The following CNBD1 variants were observed in gnomAD, a reference collection of about 807,000 sequenced individuals.
CNBD1 encodes cyclic nucleotide binding domain containing 1, also known as cyclic nucleotide-binding domain-containing protein 1.
Under a neutral mutation model 54.4 loss-of-function variants are expected in CNBD1, and 71 were observed. The observed-to-expected ratio is 1.30, with a 90% CI of 1.08 to 1.59. The LOEUF (loss-of-function observed/expected upper bound fraction) is 1.59. Ranked by LOEUF, CNBD1 falls within the 40% of genes most tolerant of loss-of-function variation. The probability of loss-of-function intolerance (pLI) is 0.00; values close to 1 mark genes in which losing one functional copy is unlikely to be tolerated. For synonymous variants in CNBD1, 182 were observed against 170.7 expected, an observed-to-expected ratio of 1.07 and a Z score of -0.51; for missense variants, 659 against 518.0, an observed-to-expected ratio of 1.27 and a Z score of -2.64.
At chr8:86,911,642 G>A (rs1314928552) in intron 3 of CNBD1, among the ~76,000 whole-genome samples, 1 of 151,996 alleles carries the variant, frequency 6.6e-6, no homozygotes, top group Non-Finnish European at 1.5e-5. Flanking sequence ...GTAGATTATT[G>A]CTTACTGTAG....
intron 4 of CNBD1, among the ~76,000 whole-genome samples, chr8:87,189,189 T>A (rs1679686236): frequency 6.6e-6 from 1 of 152,176 alleles, no homozygotes; most frequent in Admixed American, 6.5e-5. Flanking sequence ...ACTTTTGAAG[T>A]GTTTTGAGAA....
chr8:87,356,142 T>C (rs1192188167), intron 10 of CNBD1, among the ~76,000 whole-genome samples: 2 of 152,164 alleles, frequency 1.3e-5, no homozygotes, highest in African/African-American at 2.4e-5. Flanking sequence ...ACTTCTTTTC[T>C]TTATAAATTA....
intron 6 of CNBD1, among the ~76,000 whole-genome samples, chr8:87,245,902 T>C (rs574314757): frequency 6.6e-6 from 1 of 152,170 alleles, no homozygotes; most frequent in South Asian, 2.1e-4. Context: ...TTCCCATTAT[T>C]AGCAGTATTT....
At position 87,299,711 on chromosome 8, in the gene CNBD1, G is replaced by C. The variant is rs532657062; in HGVS notation, c.1042+13040G>C. Among the ~76,000 whole-genome samples the C allele has an allele frequency of 7.3e-4, 111 of 152,278 alleles. 1 individual carries two copies. Among genetic ancestry groups the C allele is most frequent in the African/African-American group, 2.6e-3 (107 of 41,552 alleles). ...AGTAATAGCTATGAAAATTGTCCCAGATCATTTGTCACCTGGGTGTATGTT... is the reference window on the plus strand; with the variant it reads ...AGTAATAGCTATGAAAATTGTCCCACATCATTTGTCACCTGGGTGTATGTT... On this transcript the variant is annotated intron_variant, in intron 8 of 10. Transcript: ENST00000518476.
At chr8:87,406,583 G>T (rs961522454) in intron 2 of CNBD1, among the ~76,000 whole-genome samples, 6 of 150,936 alleles carry the variant, frequency 4.0e-5, no homozygotes, top group South Asian at 2.1e-4. Flanking sequence ...GGGTTCAAGT[G>T]ATTCTCCTGC....
At position 86,939,749 on chromosome 8, in the gene CNBD1, G is replaced by T. The variant is rs1330613877; in HGVS notation, c.426G>T (p.Lys142Asn). 2.0e-6 allele frequency: 3 copies of T among 1,526,102 alleles called. No homozygotes were observed. Among genetic ancestry groups the T allele is most frequent in the Middle Eastern group, 1.8e-4 (1 of 5,638 alleles). 94.5% of individuals were successfully genotyped at this position (1,526,102 alleles called of 1,614,324 possible). The change falls in exon 4 of 11, where the codon AAG (lysine) becomes AAT (asparagine). Residue 142 changes from lysine to asparagine, a missense_variant. Lys to Asn is a moderately conservative substitution (Grantham distance 94). Coordinates refer to ENST00000518476, the MANE Select transcript of CNBD1 (RefSeq NM_173538.3). ...EKFEEFLAIL[K>N]KLPIHRTPYE... ...TTGAAGAATTCCTAGCTATCTTAAAGAAATTGTAAGTATTTAAAATATATT... is the reference window on the plus strand; with the variant it reads ...TTGAAGAATTCCTAGCTATCTTAAATAAATTGTAAGTATTTAAAATATATT...
intron 4 of CNBD1, 72 bp from the exon 5 acceptor site, chr8:87,205,921 A>AAATT (rs1813962168): frequency 8.2e-7 from 1 of 1,215,938 alleles, no homozygotes; most frequent in Non-Finnish European, 1.1e-6. Flanking sequence ...GGAAACTTAA[A>AAATT]AATTAAGGAT....
At chr8:86,923,927 A>G (rs1170288847) in intron 3 of CNBD1, among the ~76,000 whole-genome samples, 7 of 152,210 alleles carry the variant, frequency 4.6e-5, no homozygotes, top group Non-Finnish European at 1.0e-4. Context: ...TCAAGACCCT[A>G]AGGGACCAAT....
intron 8 of CNBD1, among the ~76,000 whole-genome samples, chr8:87,317,718 GT>G (rs1563549672): frequency 1.3e-5 from 2 of 151,844 alleles, no homozygotes; most frequent in African/African-American, 4.8e-5. Context: ...GTGTATTCTG[GT>G]ATATTGGATG....
intron 4 of CNBD1, among the ~76,000 whole-genome samples, chr8:87,123,183 A>G (rs894734666): frequency 2.6e-5 from 4 of 151,848 alleles, no homozygotes; most frequent in Non-Finnish European, 5.9e-5. Flanking sequence ...ACACACATAA[A>G]GAATATTCCA....
chr8:87,422,384 C>T (rs1807955864), intron 2 of CNBD1, among the ~76,000 whole-genome samples: 1 of 104,956 alleles, frequency 9.5e-6, no homozygotes, highest in Non-Finnish European at 1.9e-5. Context: ...CCTAGGTTTT[C>T]TTCCAGGGTT....
intron 2 of CNBD1, among the ~76,000 whole-genome samples, chr8:87,410,817 C>T (rs1281755036): frequency 1.3e-5 from 2 of 152,088 alleles, no homozygotes; most frequent in African/African-American, 2.4e-5. Flanking sequence ...GCCACAGCCA[C>T]CCCAACTATT....
chr8:87,334,942 T>C lies in CNBD1; in HGVS notation c.1043-16743T>C, dbSNP rs1337992026. 7.9e-5 allele frequency among the ~76,000 whole-genome samples: 12 copies of C among 152,076 alleles called. No homozygotes were observed. The East Asian group carries it at 2.1e-3, about 27-fold the overall frequency. On this transcript the variant is annotated intron_variant, in intron 8 of 10. Coordinates refer to ENST00000518476, the MANE Select transcript of CNBD1 (RefSeq NM_173538.3). Reference sequence around the variant, plus strand: ...GTTTCCACCATTTTGGCCAGGATGGTCTCAGTCTCTTGACCTCATGATCCA... The same window carrying C: ...GTTTCCACCATTTTGGCCAGGATGGCCTCAGTCTCTTGACCTCATGATCCA...
At chr8:87,156,668 T>G (rs1390529270) in intron 4 of CNBD1, among the ~76,000 whole-genome samples, 2 of 152,148 alleles carry the variant, frequency 1.3e-5, no homozygotes, top group Non-Finnish European at 2.9e-5. Context: ...AGTTTTGCTA[T>G]GCAATGCTCT....
At chr8:87,328,700 G>A (rs1809746605) in intron 8 of CNBD1, among the ~76,000 whole-genome samples, 1 of 151,924 alleles carries the variant, frequency 6.6e-6, no homozygotes, top group African/African-American at 2.4e-5. Flanking sequence ...TGGGTATTTT[G>A]GACATTTTAA....
In CNBD1 at chr8:87,326,948, G is replaced by T. The variant is rs1358489779; in HGVS notation, c.1043-24737G>T. On this transcript the variant is annotated intron_variant, in intron 8 of 10. Transcript: ENST00000518476. ...ATCTTTGTGGTTTTATCTACTTTTG[G>T]TCTTTGATGATGGTGATGTACAGAT... is the stretch of plus-strand genomic sequence containing the variant. 2.6e-5 allele frequency among the ~76,000 whole-genome samples: 3 copies of T among 116,708 alleles called. No homozygotes were observed. In the Admixed American group the frequency reaches 2.7e-4, roughly 11 times the overall value. The allele number at this position is 116,708 out of a possible 152,430, so 76.6% of individuals were successfully genotyped here. A position where few individuals can be genotyped will look rare whatever the true frequency, so the allele number is the denominator to read the frequency against.
At chr8:87,245,123 T>C (rs1434566460) in intron 6 of CNBD1, among the ~76,000 whole-genome samples, 1 of 152,110 alleles carries the variant, frequency 6.6e-6, no homozygotes, top group Non-Finnish European at 1.5e-5. Context: ...AATATATTTA[T>C]AACATGAAGC....
chr8:87,229,083 A>T (rs1190769509), intron 5 of CNBD1, among the ~76,000 whole-genome samples: 2 of 152,176 alleles, frequency 1.3e-5, no homozygotes, highest in Non-Finnish European at 2.9e-5. Flanking sequence ...TTCCTCAGTG[A>T]GGCAATGCCT....
intron 4 of CNBD1, among the ~76,000 whole-genome samples, chr8:87,190,936 G>GGTACATGTACCTATATCTATTTAA (rs1813597194): frequency 6.8e-6 from 1 of 147,566 alleles, no homozygotes; most frequent in African/African-American, 2.5e-5. Context: ...TTTAGATATA[G>GGTACATGTACCTATATCTATTTAA]ATATAGATAC....
Sources: allele counts gnomAD v4.1 joint callset (sites outside exome capture counted in the v4.1 genomes callset), GRCh38; gene constraint gnomAD v4.1.1; transcripts MANE v1.5; gene names NCBI Gene and HGNC (gene_info 2026-07-23, HGNC 2026-07-21).